The following NLK variants were observed in gnomAD, a reference collection of about 807,000 sequenced individuals.
NLK encodes nemo like kinase.
In NLK, 11 loss-of-function variants were observed where a neutral mutation model predicts 59.0. The observed-to-expected ratio is 0.19, with a 90% CI of 0.12 to 0.31. NLK has a LOEUF of 0.31. NLK is among the 10% of genes least tolerant of loss of function. NLK has a pLI of 1.00. For synonymous variants in NLK, 235 were observed against 235.9 expected (o/e 1.00, Z 0.03); for missense variants, 410 against 661.1 (o/e 0.62, Z 4.16).
intron 1 of NLK, among the ~76,000 whole-genome samples, chr17:28,109,013 A>G (rs186092898): frequency 4.6e-5 from 7 of 152,230 alleles, no homozygotes; most frequent in Admixed American, 3.9e-4. Context: ...CTAAAAAAAT[A>G]CAAAAAAAGT....
At chr17:28,122,018 AG>A in intron 1 of NLK, among the ~76,000 whole-genome samples, 1 of 152,206 alleles carries the variant, frequency 6.6e-6, no homozygotes, top group Non-Finnish European at 1.5e-5. Flanking sequence ...GGGAAATAAA[AG>A]GGATGAGGTT....
intron 7 of NLK, among the ~76,000 whole-genome samples, chr17:28,181,196 C>G (rs1374440082): frequency 1.3e-5 from 2 of 151,798 alleles, no homozygotes; most frequent in African/African-American, 4.8e-5. Context: ...CTCGGGAGTT[C>G]GAAACCAGCC....
intron 8 of NLK, among the ~76,000 whole-genome samples, chr17:28,189,521 G>A (rs1310029365): frequency 6.6e-6 from 1 of 152,172 alleles, no homozygotes; most frequent in Non-Finnish European, 1.5e-5. Flanking sequence ...AATGATCACT[G>A]TATGTAACCT....
chr17:28,056,774 A>G lies in NLK; in HGVS notation c.458+13443A>G, dbSNP rs1909458058. Among the ~76,000 whole-genome samples, 5 of 152,150 alleles carry G rather than the reference A, an allele frequency of 3.3e-5. No individual in the cohort carries two copies. The South Asian group carries it at 1.0e-3, about 32-fold the overall frequency. ...ACCTCAGGAAATTTGAAAGAATTGT[A>G]TGATATATCCAATGTAACTAAGTTG... On this transcript the variant is annotated intron_variant, in intron 1 of 10. Transcript: ENST00000407008.
chr17:28,128,811 G>C (rs754091197), intron 2 of NLK, among the ~76,000 whole-genome samples: 5 of 152,178 alleles, frequency 3.3e-5, no homozygotes, highest in African/African-American at 7.2e-5. Context: ...ATACACTCAA[G>C]AGAAATGAAT....
intron 7 of NLK, among the ~76,000 whole-genome samples, chr17:28,180,890 C>G (rs1908877388): frequency 6.6e-6 from 1 of 152,224 alleles, no homozygotes; most frequent in African/African-American, 2.4e-5. Context: ...TTCCCCATCA[C>G]TCTCCACCTC....
At chr17:28,075,035 T>C (rs890820341) in intron 1 of NLK, among the ~76,000 whole-genome samples, 4 of 152,254 alleles carry the variant, frequency 2.6e-5, no homozygotes, top group Non-Finnish European at 5.9e-5. Context: ...TTATTTTTGT[T>C]AGTACATAAA....
chr17:28,179,430 T>G (rs374183813), intron 7 of NLK, among the ~76,000 whole-genome samples: 117 of 152,054 alleles, frequency 7.7e-4, no homozygotes, highest in Middle Eastern at 6.8e-3. Context: ...TTATTTTATT[T>G]TAAGAGAGAG....
chr17:28,053,853 A>T (rs1909347656), intron 1 of NLK, among the ~76,000 whole-genome samples: 1 of 152,204 alleles, frequency 6.6e-6, no homozygotes, highest in Non-Finnish European at 1.5e-5. Context: ...CAAATTGTGT[A>T]AGTTAATTGA....
chr17:28,173,088 A>G (rs922161225), intron 7 of NLK, among the ~76,000 whole-genome samples: 1 of 152,218 alleles, frequency 6.6e-6, no homozygotes, highest in African/African-American at 2.4e-5. Context: ...ATGAAGATAG[A>G]TTGCCAGATT....
chr17:28,142,979 A>C (rs772949534), intron 3 of NLK, among the ~76,000 whole-genome samples: 1 of 151,302 alleles, frequency 6.6e-6, no homozygotes, highest in Non-Finnish European at 1.5e-5. Flanking sequence ...CAAATTTACT[A>C]TGTCTTTTGG....
chr17:28,186,403 T>C (rs1385446698), intron 8 of NLK, among the ~76,000 whole-genome samples: 3 of 152,262 alleles, frequency 2.0e-5, no homozygotes, highest in Non-Finnish European at 4.4e-5. Context: ...GGGTACAATT[T>C]AGATTGCTTA....
intron 1 of NLK, among the ~76,000 whole-genome samples, chr17:28,047,157 T>C (rs1909086580): frequency 6.6e-6 from 1 of 152,200 alleles, no homozygotes; most frequent in Non-Finnish European, 1.5e-5. Context: ...TGTAAACCAA[T>C]GATTACACTG....
intron 1 of NLK, among the ~76,000 whole-genome samples, chr17:28,114,735 G>A (rs887871834): frequency 6.6e-6 from 1 of 152,118 alleles, no homozygotes; most frequent in African/African-American, 2.4e-5. Flanking sequence ...TGTATAGTGT[G>A]GAGTAGGTTT....
intron 10 of NLK, 117 bp downstream of exon 10, chr17:28,192,330 A>G (rs1286980428): frequency 7.9e-6 from 5 of 635,558 alleles, no homozygotes. Flanking sequence ...TGCAACAGAA[A>G]GTTTCTGTTA....
rs116088117 is a variant in NLK, at chr17:28,134,227, G to A, written c.644+1552G>A. Among the ~76,000 whole-genome samples the A allele has an allele frequency of 7.4e-4, 113 of 152,018 alleles. 2 individuals are homozygous for A. Among genetic ancestry groups the A allele is most frequent in the South Asian group, 3.3e-3 (16 of 4,818 alleles). On this transcript the variant is annotated intron_variant, in intron 3 of 10. Coordinates refer to ENST00000407008, the MANE Select transcript of NLK (RefSeq NM_016231.5). The stretch of plus-strand genomic sequence containing the variant: ...AGCCTGGGCAACATAGCAAGGCCTC[G>A]TCTCTACCAAAAATACAAAAAAAAT...
intron 1 of NLK, among the ~76,000 whole-genome samples, chr17:28,080,576 G>A (rs149907676): frequency 8.6e-4 from 131 of 152,282 alleles, no homozygotes; most frequent in African/African-American, 2.9e-3. Context: ...TACAGAGCAC[G>A]CTTATGAATG....
downstream of NLK, among the ~76,000 whole-genome samples, chr17:28,199,187 T>A (rs1186671012): frequency 6.6e-6 from 1 of 152,164 alleles, no homozygotes; most frequent in African/African-American, 2.4e-5. Flanking sequence ...GATTAAAAAT[T>A]AACCAAAAAT....
chr17:28,148,191 T>C (rs1907334058), intron 3 of NLK, among the ~76,000 whole-genome samples: 1 of 152,160 alleles, frequency 6.6e-6, no homozygotes, highest in South Asian at 2.1e-4. Flanking sequence ...TCATTTAGAC[T>C]TTAAAAAGAA....
Sources: allele counts gnomAD v4.1 joint callset (sites outside exome capture counted in the v4.1 genomes callset), GRCh38; gene constraint gnomAD v4.1.1; transcripts MANE v1.5; gene names NCBI Gene and HGNC (gene_info 2026-07-23, HGNC 2026-07-21).